Variants in USP39 observed in about 807,000 individuals in gnomAD.
USP39 encodes the protein ubiquitin carboxyl-terminal hydrolase 39.
USP39 carries 38 observed loss-of-function variants against 66.4 expected under a neutral mutation model. The observed-to-expected ratio is 0.57, with a 90% confidence interval of 0.44 to 0.75. USP39 has a LOEUF of 0.75. Among genes scored for constraint, USP39 ranks in the 30% least tolerant of loss-of-function variants. The pLI is 0.00. For synonymous variants in USP39, 303 were observed against 274.6 expected (o/e 1.10, Z -1.02); for missense variants, 608 against 714.4 (o/e 0.85, Z 1.70).
At chr2:85,633,269 C>T (rs1331757131) in intron 6 of USP39, among the ~76,000 whole-genome samples, 1 of 152,030 alleles carries the variant, frequency 6.6e-6, no homozygotes, top group Non-Finnish European at 1.5e-5. Context: ...TACAGGCACC[C>T]ACCACCATAC....
At chr2:85,624,929 CTCTAG>C (rs1482871143) in intron 4 of USP39, among the ~76,000 whole-genome samples, 2 of 149,020 alleles carry the variant, frequency 1.3e-5, no homozygotes, top group Non-Finnish European at 3.0e-5. Flanking sequence ...TGCCATGGCA[CTCTAG>C]TCTAGGCAAC....
chr2:85,648,930 T>C lies in USP39; in HGVS notation c.*122T>C. On this transcript the variant is annotated 3_prime_UTR_variant, in exon 13 of 13. Coordinates refer to ENST00000323701, the MANE Select transcript of USP39 (RefSeq NM_006590.4). ...CCTAGGCCAGCCCAGCTTGTATGGG[T>C]TCTGGCTACACCAGAGCACCAAGAG... 4 of 1,155,194 alleles carry C rather than the reference T, an allele frequency of 3.5e-6. No individual in the cohort carries two copies. In the South Asian group the frequency reaches 5.3e-5, roughly 15 times the overall value. 71.6% of individuals were successfully genotyped at this position (1,155,194 alleles called of 1,614,324 possible). A position where few individuals can be genotyped will look rare whatever the true frequency, so the allele number is the denominator to read the frequency against.
intron 8 of USP39, among the ~76,000 whole-genome samples, chr2:85,638,328 C>CT (rs1276732996): frequency 1.3e-5 from 2 of 150,734 alleles, no homozygotes; most frequent in African/African-American, 4.9e-5. Context: ...GGCCCACTTT[C>CT]TTTTTTTAAT....
intron 6 of USP39, among the ~76,000 whole-genome samples, chr2:85,633,372 C>T (rs1675518174): frequency 6.6e-6 from 1 of 152,206 alleles, no homozygotes; most frequent in South Asian, 2.1e-4. Context: ...ATCCACCCGC[C>T]TCGGCCTCCC....
At chr2:85,627,033 C>T (rs965503927) in intron 5 of USP39, among the ~76,000 whole-genome samples, 5 of 151,816 alleles carry the variant, frequency 3.3e-5, no homozygotes, top group African/African-American at 1.2e-4. Flanking sequence ...AGGCATGAGC[C>T]ACCGTGCCCA....
upstream of USP39, chr2:85,609,636 G>C: frequency 1.2e-6 from 2 of 1,606,800 alleles, no homozygotes. Flanking sequence ...GCTGCTGAAG[G>C]CCCTGTCCAT....
chr2:85,634,976 A>G (rs1170405220), intron 6 of USP39, among the ~76,000 whole-genome samples: 6 of 152,150 alleles, frequency 3.9e-5, no homozygotes, highest in Admixed American at 2.0e-4. Flanking sequence ...CATAGCCACT[A>G]TTGGCTAGGA....
At chr2:85,609,077 G>A (rs189456850), upstream of USP39, 85 of 1,613,902 alleles carry the variant, frequency 5.3e-5, no homozygotes, top group Admixed American at 1.1e-3. Flanking sequence ...CCTACGTGGA[G>A]GAAGAGTCAG....
chr2:85,618,609 A>C (rs545932579), intron 1 of USP39, among the ~76,000 whole-genome samples: 14 of 151,834 alleles, frequency 9.2e-5, no homozygotes, highest in African/African-American at 3.4e-4. Flanking sequence ...TATATGGTAC[A>C]TTTGTATTAC....
chr2:85,609,929 C>T (rs1471314284), upstream of USP39, among the ~76,000 whole-genome samples: 1 of 152,060 alleles, frequency 6.6e-6, no homozygotes, highest in Non-Finnish European at 1.5e-5. Context: ...GATCCACCCA[C>T]CTTGGCCTCC....
At chr2:85,644,855 G>T in intron 10 of USP39, 93 bp from the exon 11 acceptor site, 1 of 1,542,180 alleles carries the variant, frequency 6.5e-7, no homozygotes. Flanking sequence ...CTAAAATAGG[G>T]CTGAACAATT....
intron 9 of USP39, among the ~76,000 whole-genome samples, chr2:85,640,306 TG>T (rs1176158201): frequency 6.6e-6 from 1 of 151,452 alleles, no homozygotes; most frequent in Non-Finnish European, 1.5e-5. Context: ...TTTTTTTTTT[TG>T]AGATGGAGTC....
intron 1 of USP39, among the ~76,000 whole-genome samples, chr2:85,604,711 G>A (rs7584055): frequency 0.069 from 10,552 of 152,234 alleles, 1,241 homozygotes; most frequent in African/African-American, 0.24. Context: ...CCATCTTCCT[G>A]CCCAACTGCA....
chr2:85,630,643 G>A (rs928090619), intron 5 of USP39, 78 bp from the exon 6 acceptor site: 14 of 1,392,428 alleles, frequency 1.0e-5, no homozygotes, highest in African/African-American at 1.4e-5. Context: ...ATTCTATTAG[G>A]AGAACTTTAA....
intron 1 of USP39, among the ~76,000 whole-genome samples, chr2:85,617,943 A>G (rs1674121794): frequency 6.9e-6 from 1 of 145,386 alleles, no homozygotes; most frequent in Admixed American, 7.0e-5. Context: ...AGATTTATAG[A>G]TACACATGTA....
At chr2:85,640,850 G>A (rs1253158131) in intron 9 of USP39, 126 bp from the exon 10 acceptor site, 1 of 676,696 alleles carries the variant, frequency 1.5e-6, no homozygotes, top group African/African-American at 1.9e-5. Context: ...TCTCGGACCA[G>A]GAGTCTTGTG....
At chr2:85,633,281 T>G (rs1274222914) in intron 6 of USP39, among the ~76,000 whole-genome samples, 1 of 151,920 alleles carries the variant, frequency 6.6e-6, no homozygotes, top group Non-Finnish European at 1.5e-5. Context: ...CCACCATACC[T>G]GGCTAATTTT....
intron 1 of USP39, 151 bp from the exon 2 acceptor site, chr2:85,619,069 C>G: frequency 3.7e-6 from 3 of 818,456 alleles, no homozygotes; most frequent in Middle Eastern, 4.7e-4. Flanking sequence ...CCGCGCCCGG[C>G]TAGTGGACTT....
At chr2:85,648,392 C>T (rs951846168) in intron 12 of USP39, among the ~76,000 whole-genome samples, 10 of 152,146 alleles carry the variant, frequency 6.6e-5, no homozygotes, top group African/African-American at 1.7e-4. Flanking sequence ...GACCCCACAG[C>T]GCTTTCTACT....
Sources: allele counts gnomAD v4.1 joint callset (sites outside exome capture counted in the v4.1 genomes callset), GRCh38; gene constraint gnomAD v4.1.1; transcripts MANE v1.5; gene names NCBI Gene and HGNC (gene_info 2026-07-23, HGNC 2026-07-21).